The following SYNPO2 variants were observed in gnomAD, a reference collection of about 807,000 sequenced individuals.
The protein encoded by SYNPO2 is synaptopodin-2.
In SYNPO2, 56 loss-of-function variants were observed where a neutral mutation model predicts 85.0. The ratio of observed to expected loss-of-function variants is 0.66; its 90% CI spans 0.53 to 0.82. The LOEUF (loss-of-function observed/expected upper bound fraction) is 0.82. Ranked by LOEUF, SYNPO2 falls within the 40% of genes least tolerant of loss-of-function variation. The probability of loss-of-function intolerance (pLI) is 0.00; values close to 1 mark genes in which losing one functional copy is unlikely to be tolerated. For missense variants in SYNPO2, 1,575 were observed against 1,534.2 expected (o/e 1.03, Z -0.44); for synonymous variants, 602 against 591.1 (o/e 1.02, Z -0.27).
Position 119,057,594 on chromosome 4 carries a change from C to G in SYNPO2, c.3446C>G (p.Pro1149Arg). 2 of 1,614,038 alleles carry G rather than the reference C, an allele frequency of 1.2e-6. No homozygotes were observed. Among genetic ancestry groups the G allele is most frequent in the South Asian group, 1.1e-5 (1 of 91,066 alleles). ...PLGLVDDAFQ[P>R]RNIQESIVAN... ...GGTCTAGTGGATGATGCTTTCCAAC[C>G]CAGAAACATCCAGGAATCCATTGTG... Residue 1149 changes from proline (P) to arginine (R), a missense_variant, in exon 5 of 5, where the codon CCC becomes CGC. Physicochemically the swap from Pro to Arg is moderately radical, Grantham distance 103. Coordinates refer to ENST00000307142, the MANE Select transcript of SYNPO2 (RefSeq NM_133477.3).
intron 1 of SYNPO2, among the ~76,000 whole-genome samples, chr4:118,872,658 CTATG>C (rs1359632658): frequency 6.6e-6 from 1 of 152,178 alleles, no homozygotes; most frequent in Non-Finnish European, 1.5e-5. Flanking sequence ...GGACACCCTA[CTATG>C]TATCTGAGTA....
Position 119,027,205 on chromosome 4 carries a change from C to T in SYNPO2, c.836C>T (p.Ala279Val), listed in dbSNP as rs919154169. Residue 279 changes from alanine to valine, a missense_variant, in exon 3 of 5, where the codon GCG (alanine) becomes GTG (valine). Physicochemically the swap from Ala to Val is moderately conservative, Grantham distance 64. Around this residue, in one of 3 missense-constraint regions of SYNPO2, gnomAD observed 1,508 missense variants for 1,446.8 expected, o/e 1.04. Coordinates refer to ENST00000307142, the MANE Select transcript of SYNPO2 (RefSeq NM_133477.3). ...RVIQESEAGD[A>V]GLPRVEVILD... ...ATCCAGGAAAGTGAAGCAGGAGATGCGGGACTGCCCCGGGTGGAAGTGATC... is the reference window on the plus strand; with the variant it reads ...ATCCAGGAAAGTGAAGCAGGAGATGTGGGACTGCCCCGGGTGGAAGTGATC... 1.2e-6 allele frequency: 2 copies of T among 1,614,068 alleles called. No individual in the cohort carries two copies. Among genetic ancestry groups the T allele is most frequent in the Non-Finnish European group, 1.7e-6 (2 of 1,180,022 alleles).
chr4:119,016,051 T>C (rs934919480), intron 1 of SYNPO2, among the ~76,000 whole-genome samples: 5 of 152,254 alleles, frequency 3.3e-5, no homozygotes, highest in Admixed American at 2.0e-4. Context: ...AGGATCCATA[T>C]ACTTTCAGTA....
rs115811173 is a variant in SYNPO2 at position 118,957,865 on chromosome 4, C to G, written c.106-65565C>G. 2.8e-4 allele frequency among the ~76,000 whole-genome samples: 42 copies of G among 152,292 alleles called. 2 individuals are homozygous for G. Among genetic ancestry groups the G allele is most frequent in the Admixed American group, 2.7e-3 (42 of 15,296 alleles). On this transcript the variant is annotated intron_variant, in intron 1 of 4. Transcript: ENST00000307142. ...AGGCAAACACTTGTTTCAGTCACAA[C>G]GTGAAAAGGTCACAGAGCCTGAACT...
intron 1 of SYNPO2, among the ~76,000 whole-genome samples, chr4:118,941,672 T>C (rs1215868480): frequency 1.3e-5 from 2 of 152,202 alleles, no homozygotes; most frequent in Non-Finnish European, 2.9e-5. Flanking sequence ...GTCTGCTTCT[T>C]GTCTCAATGA....
chr4:118,950,252 G>C (rs971587117), intron 1 of SYNPO2, among the ~76,000 whole-genome samples: 1 of 152,188 alleles, frequency 6.6e-6, no homozygotes, highest in African/African-American at 2.4e-5. Flanking sequence ...AAGGATATAG[G>C]TTTGTTTTAA....
Position 119,021,753 on chromosome 4 carries a change from T to C in SYNPO2, c.106-1677T>C, listed in dbSNP as rs185289883. Among the ~76,000 whole-genome samples the C allele has an allele frequency of 8.2e-4, 125 of 152,298 alleles. 1 individual carries two copies. The highest frequency in any genetic ancestry group is 2.8e-3 in the African/African-American group (118 of 41,572). On this transcript the variant is annotated intron_variant, in intron 1 of 4. Coordinates refer to ENST00000307142, the MANE Select transcript of SYNPO2 (RefSeq NM_133477.3). The stretch of plus-strand genomic sequence containing the variant: ...GAGAGCAGGAAACTATTATCACTCA[T>C]AGGCCCAAAGGTACAAGGAGATAAT...
At chr4:119,051,424 C>T (rs71610236) in intron 4 of SYNPO2, among the ~76,000 whole-genome samples, 55,980 of 150,904 alleles carry the variant, frequency 0.37, 10,579 homozygotes, top group East Asian at 0.57. Flanking sequence ...ATCTCCTGAC[C>T]TCGTGATCCG....
At chr4:118,966,652 A>AT (rs1319309285) in intron 1 of SYNPO2, among the ~76,000 whole-genome samples, 3 of 152,158 alleles carry the variant, frequency 2.0e-5, no homozygotes, top group African/African-American at 7.2e-5. Context: ...TATATAACAT[A>AT]TATATACACA....
chr4:118,963,224 G>T (rs929667583), intron 1 of SYNPO2, among the ~76,000 whole-genome samples: 2 of 152,156 alleles, frequency 1.3e-5, no homozygotes, highest in South Asian at 2.1e-4. Context: ...TCATTACAGT[G>T]AGTATACAGA....
chr4:118,886,713 A>G (rs1732205341), upstream of SYNPO2, among the ~76,000 whole-genome samples: 1 of 152,174 alleles, frequency 6.6e-6, no homozygotes. Flanking sequence ...CAAAGCTCAT[A>G]TTTTATGATG....
intron 4 of SYNPO2, among the ~76,000 whole-genome samples, chr4:119,044,623 C>CA (rs1442240361): frequency 6.6e-6 from 1 of 152,116 alleles, no homozygotes; most frequent in Admixed American, 6.6e-5. Context: ...CTCCACCTCC[C>CA]AAGTTCAAGT....
intron 1 of SYNPO2, among the ~76,000 whole-genome samples, chr4:118,868,155 A>AG (rs1731735077): frequency 6.6e-6 from 1 of 151,502 alleles, no homozygotes; most frequent in African/African-American, 2.4e-5. Flanking sequence ...ACATATTAAA[A>AG]AAAATTAGAT....
At chr4:118,894,219 C>T (rs1220152101) in intron 1 of SYNPO2, among the ~76,000 whole-genome samples, 3 of 151,888 alleles carry the variant, frequency 2.0e-5, no homozygotes, top group Non-Finnish European at 4.4e-5. Flanking sequence ...ATGTCCCTTC[C>T]GCCCTTCCCC....
chr4:118,979,565 C>A (rs1735928821), intron 1 of SYNPO2, among the ~76,000 whole-genome samples: 1 of 152,154 alleles, frequency 6.6e-6, no homozygotes, highest in African/African-American at 2.4e-5. Flanking sequence ...CTATCCCTGG[C>A]CTAACTTTGT....
At chr4:118,994,875 T>C (rs1368067751) in intron 1 of SYNPO2, among the ~76,000 whole-genome samples, 1 of 152,258 alleles carries the variant, frequency 6.6e-6, no homozygotes, top group Admixed American at 6.5e-5. Flanking sequence ...AGAATTAGAT[T>C]ATCTGAATAG....
intron 1 of SYNPO2, among the ~76,000 whole-genome samples, chr4:119,000,669 T>A (rs1736790986): frequency 6.6e-6 from 1 of 152,206 alleles, no homozygotes; most frequent in Non-Finnish European, 1.5e-5. Context: ...TTGAAGCCCA[T>A]GACCTCATCG....
chr4:118,978,388 C>A (rs1387984), intron 1 of SYNPO2, among the ~76,000 whole-genome samples: 128,116 of 152,186 alleles, frequency 0.84, 54,069 homozygotes, highest in Middle Eastern at 0.94. Flanking sequence ...AAAATATGAC[C>A]GTTTCCCTAG....
chr4:118,894,551 GTCGGGGGAACGTCGGGGGAACA>G (rs148748342), intron 1 of SYNPO2, among the ~76,000 whole-genome samples: 47,396 of 151,106 alleles, frequency 0.31, 7,636 homozygotes, highest in Non-Finnish European at 0.34. Context: ...TTGGGGGAAC[GTCGGGGGAACGTCGGGGGAACA>G]TCAGGGGAAC....
Sources: allele counts gnomAD v4.1 joint callset (sites outside exome capture counted in the v4.1 genomes callset), GRCh38; gene constraint gnomAD v4.1.1; regional missense constraint gnomAD v4.1.1; transcripts MANE v1.5; gene names NCBI Gene and HGNC (gene_info 2026-07-23, HGNC 2026-07-21).